The following LRRTM4 variants were observed in gnomAD, a reference collection of about 807,000 sequenced individuals.
LRRTM4 encodes the protein leucine rich repeat transmembrane neuronal 4.
Under a neutral mutation model 47.6 loss-of-function variants are expected in LRRTM4, and 25 were observed. That is an observed-to-expected ratio of 0.53 (90% confidence interval 0.38 to 0.73). LRRTM4 has a LOEUF of 0.73. Among genes scored for constraint, LRRTM4 ranks in the 30% least tolerant of loss-of-function variants. LRRTM4 has a pLI of 0.00. For synonymous variants in LRRTM4, 311 were observed against 269.5 expected, an observed-to-expected ratio of 1.15 and a Z score of -1.51; for missense variants, 638 against 713.4, an observed-to-expected ratio of 0.89 and a Z score of 1.20.
intron 3 of LRRTM4, among the ~76,000 whole-genome samples, chr2:77,028,462 G>A (rs1368040065): frequency 6.6e-6 from 1 of 151,966 alleles, no homozygotes; most frequent in Non-Finnish European, 1.5e-5. Context: ...ATATAAAAAG[G>A]GACTATTCAT....
chr2:77,005,686 C>T lies in LRRTM4; in HGVS notation c.1552-256770G>A, dbSNP rs529040859. On this transcript the variant is annotated intron_variant, in intron 3 of 3. Coordinates refer to ENST00000409884, the MANE Select transcript of LRRTM4 (RefSeq NM_001134745.3). ...TAAAGGGAGTTCCCCTGCACATGCC[C>T]TCTTGCCTGATACCATGTAAGACAT... is the stretch of plus-strand genomic sequence containing the variant. Among the ~76,000 whole-genome samples, 3 of 152,266 alleles carry T rather than the reference C, an allele frequency of 2.0e-5. No individual in the cohort carries two copies. The East Asian group carries it at 5.8e-4, about 29-fold the overall frequency.
chr2:77,410,919 A>G (rs1022483824), intron 3 of LRRTM4, among the ~76,000 whole-genome samples: 6 of 152,204 alleles, frequency 3.9e-5, no homozygotes, highest in African/African-American at 1.4e-4. Flanking sequence ...CCATTTGCCA[A>G]ACATTTGTTG....
chr2:77,009,602 A>C (rs1189090433), intron 3 of LRRTM4: 4 of 152,164 alleles, frequency 2.6e-5, no homozygotes, highest in Non-Finnish European at 1.5e-5. Context: ...GTATGATTCA[A>C]AATAAAGCTA....
intron 3 of LRRTM4, among the ~76,000 whole-genome samples, chr2:77,026,779 T>G (rs978456449): frequency 1.3e-5 from 2 of 152,106 alleles, no homozygotes; most frequent in Admixed American, 1.3e-4. Context: ...TAAAGCTGCA[T>G]ATTTGGGGAA....
intron 3 of LRRTM4, among the ~76,000 whole-genome samples, chr2:77,310,706 A>G (rs1442050310): frequency 6.6e-6 from 1 of 152,186 alleles, no homozygotes; most frequent in Non-Finnish European, 1.5e-5. Flanking sequence ...CTCTCCATCT[A>G]AAAGCCCAGC....
At chr2:76,917,896 C>A (rs1055064843) in intron 3 of LRRTM4, among the ~76,000 whole-genome samples, 1 of 152,012 alleles carries the variant, frequency 6.6e-6, no homozygotes, top group Non-Finnish European at 1.5e-5. Context: ...CTAGTGTTTC[C>A]TATCCCTCTC....
intron 3 of LRRTM4, among the ~76,000 whole-genome samples, chr2:76,964,662 T>C (rs1409172130): frequency 1.5e-5 from 2 of 133,360 alleles, no homozygotes; most frequent in African/African-American, 3.5e-5. Context: ...TAATCTAATC[T>C]TCCTTACTTT....
chr2:77,106,188 A>G (rs1242822315), intron 3 of LRRTM4, among the ~76,000 whole-genome samples: 2 of 152,182 alleles, frequency 1.3e-5, no homozygotes, highest in Admixed American at 6.5e-5. Context: ...TTTTCTTATC[A>G]TGACACTCTA....
intron 3 of LRRTM4, among the ~76,000 whole-genome samples, chr2:76,840,729 A>G (rs1394128914): frequency 6.6e-6 from 1 of 152,202 alleles, no homozygotes; most frequent in Non-Finnish European, 1.5e-5. Flanking sequence ...TGGAATTAGT[A>G]GTGATATCTG....
intron 3 of LRRTM4, among the ~76,000 whole-genome samples, chr2:76,902,741 A>AT (rs1212054866): frequency 2.6e-5 from 4 of 152,086 alleles, no homozygotes; most frequent in Non-Finnish European, 5.9e-5. Flanking sequence ...CCACCATTTT[A>AT]TTTTTCACTG....
At chr2:77,224,119 C>A (rs1292868541) in intron 3 of LRRTM4, among the ~76,000 whole-genome samples, 2 of 151,578 alleles carry the variant, frequency 1.3e-5, no homozygotes, top group Admixed American at 6.6e-5. Context: ...AAAGGATTCC[C>A]TATTTAATAA....
intron 3 of LRRTM4, among the ~76,000 whole-genome samples, chr2:77,282,265 C>T (rs1277568995): frequency 2.6e-5 from 4 of 151,462 alleles, no homozygotes; most frequent in African/African-American, 9.7e-5. Flanking sequence ...ATAAAAATGC[C>T]ACTTATTTGT....
In LRRTM4 at chr2:76,771,149, G is replaced by A. The variant is rs370761274; in HGVS notation, c.1552-22233C>T. 1.5e-4 allele frequency among the ~76,000 whole-genome samples: 23 copies of A among 152,146 alleles called. No individual in the cohort carries two copies. In the South Asian group the frequency reaches 1.9e-3, roughly 12 times the overall value. On this transcript the variant is annotated intron_variant, in intron 3 of 3. Transcript: ENST00000409884. ...TGAAAAAAACTTTTTACAAGGTAAC[G>A]AATTGTTGAAAATACAGTGACACAA...
chr2:77,276,422 AAG>A (rs367765371), intron 3 of LRRTM4, among the ~76,000 whole-genome samples: 3,798 of 149,856 alleles, frequency 0.025, 83 homozygotes, highest in African/African-American at 0.059. Flanking sequence ...GAAGGAGAAA[AAG>A]AGAGAAAGGA....
chr2:76,764,784 T>A (rs1673393364), intron 3 of LRRTM4, among the ~76,000 whole-genome samples: 1 of 152,130 alleles, frequency 6.6e-6, no homozygotes, highest in African/African-American at 2.4e-5. Flanking sequence ...CAGCTGCCAA[T>A]GTAAGTTTTC....
At position 76,951,628 on chromosome 2, in the gene LRRTM4, CTTT is replaced by C. The variant is rs1573359632; in HGVS notation, c.1552-202715_1552-202713del. Reference sequence around the variant, plus strand: ...CCTTCAGATAATAGATAATTTTTTTCTTTTACTTTAACTTCTGGGATACATATG... The same window carrying C: ...CCTTCAGATAATAGATAATTTTTTTCTACTTTAACTTCTGGGATACATATG... On this transcript the variant is annotated intron_variant, in intron 3 of 3. Transcript: ENST00000409884. Among the ~76,000 whole-genome samples, 36 of 151,908 alleles carry C rather than the reference CTTT, an allele frequency of 2.4e-4. 1 individual carries two copies. The East Asian group carries it at 6.6e-3, about 28-fold the overall frequency.
At chr2:76,753,196 T>C (rs577793100) in intron 3 of LRRTM4, among the ~76,000 whole-genome samples, 1 of 152,322 alleles carries the variant, frequency 6.6e-6, no homozygotes, top group Non-Finnish European at 1.5e-5. Context: ...TTAATCCTCT[T>C]GAGTTTCAAG....
At chr2:77,311,125 A>T (rs1677444565) in intron 3 of LRRTM4, among the ~76,000 whole-genome samples, 1 of 152,136 alleles carries the variant, frequency 6.6e-6, no homozygotes, top group Admixed American at 6.6e-5. Context: ...TGTATTTGAA[A>T]GATTTAAATC....
chr2:76,772,870 T>G (rs1268622674), intron 3 of LRRTM4: 1 of 152,192 alleles, frequency 6.6e-6, no homozygotes, highest in Non-Finnish European at 1.5e-5. Flanking sequence ...ATCATAGGTA[T>G]GGAATATATA....
Sources: allele counts gnomAD v4.1 joint callset (sites outside exome capture counted in the v4.1 genomes callset), GRCh38; gene constraint gnomAD v4.1.1; transcripts MANE v1.5; gene names NCBI Gene and HGNC (gene_info 2026-07-23, HGNC 2026-07-21).